IL21R: variants seen among roughly 807,000 people sequenced by gnomAD.
IL21R encodes interleukin 21 receptor, also known as interleukin-21 receptor.
In IL21R, 14 loss-of-function variants were observed where a neutral mutation model predicts 41.3. The observed-to-expected ratio is 0.34, with a 90% CI of 0.22 to 0.53. IL21R has a LOEUF of 0.53. Ranked by LOEUF, IL21R falls within the 20% of genes least tolerant of loss-of-function variation. IL21R has a pLI of 0.94. For synonymous variants in IL21R, 286 were observed against 287.6 expected, an observed-to-expected ratio of 0.99 and a Z score of 0.05; for missense variants, 588 against 681.6, an observed-to-expected ratio of 0.86 and a Z score of 1.53.
At chr16:27,442,062 C>T (rs2141304414) in intron 4 of IL21R, among the ~76,000 whole-genome samples, 1 of 152,302 alleles carries the variant, frequency 6.6e-6, no homozygotes, top group Non-Finnish European at 1.5e-5. Context: ...AGGGGTCTCC[C>T]GTTTCCCATT....
At chr16:27,422,961 C>T (rs2087019317) in intron 1 of IL21R, among the ~76,000 whole-genome samples, 1 of 152,150 alleles carries the variant, frequency 6.6e-6, no homozygotes, top group Admixed American at 6.5e-5. Flanking sequence ...TCCTTATTCC[C>T]AAGGAATAGT....
Position 27,449,078 on chromosome 16 carries a change from G to A in IL21R, c.1412G>A (p.Gly471Glu). ...CTGCCCTGGGGTGGCCGGTCACCTG[G>A]AGGGGTCTCAGAGAGTGAGGCGGGC... is the stretch of plus-strand genomic sequence containing the variant. ...GGLPWGGRSP[G>E]GVSESEAGSP... is the part of the protein sequence containing the mutation. The change falls in exon 9 of 9, where the codon GGA (glycine) becomes GAA (glutamate). Residue 471 changes from glycine (G) to glutamate (E), a missense_variant. By Grantham distance (98) the Gly-to-Glu change is moderately conservative. Coordinates refer to ENST00000337929, the MANE Select transcript of IL21R (RefSeq NM_181078.3). 1.2e-6 allele frequency: 2 copies of A among 1,613,350 alleles called. No individual in the cohort carries two copies. Among genetic ancestry groups the A allele is most frequent in the Non-Finnish European group, 1.7e-6 (2 of 1,179,936 alleles).
At position 27,451,431 on chromosome 16, in the gene IL21R, G is replaced by A. The variant is rs986008205; in HGVS notation, c.*2148G>A. On this transcript the variant is annotated 3_prime_UTR_variant, in exon 9 of 9. Transcript: ENST00000337929. ...CACAGAGGAGCAAAGTTGGAGGGCC[G>A]GGCGTAGTGGCTCACACCTGTGATC... The A allele has an allele frequency of 5.0e-5, 11 of 220,842 alleles. No individual in the cohort carries two copies. Among genetic ancestry groups the A allele is most frequent in the African/African-American group, 1.6e-4 (7 of 44,612 alleles). 13.7% of individuals were successfully genotyped at this position (220,842 alleles called of 1,614,324 possible).
intron 1 of IL21R, chr16:27,427,186 T>C (rs375549320): frequency 2.7e-5 from 14 of 519,656 alleles, no homozygotes; most frequent in Admixed American, 2.5e-4. Context: ...AGATGGGGTG[T>C]TTTGATTGGC....
chr16:27,412,193 C>T (rs182642037), intron 1 of IL21R, among the ~76,000 whole-genome samples: 1 of 152,292 alleles, frequency 6.6e-6, no homozygotes. Flanking sequence ...CTTGAACAAA[C>T]TTCCTTTTCC....
rs374130131 is a variant in IL21R at position 27,444,615 on chromosome 16, C to T, written c.581C>T (p.Ser194Leu). The T allele has an allele frequency of 2.6e-5, 41 of 1,587,370 alleles. No individual in the cohort carries two copies. Among genetic ancestry groups the T allele is most frequent in the South Asian group, 2.4e-4 (21 of 87,220 alleles). ...SLLPLEFRKDSSYELQVRAGP... is the reference protein window; with the variant it reads ...SLLPLEFRKDLSYELQVRAGP... ...CTCCCCCTGGAGTTCCGCAAAGACT[C>T]GAGCTATGAGCTGCAGGTGCGGGCA... is the stretch of plus-strand genomic sequence containing the variant. Residue 194 changes from serine to leucine, a missense_variant, in exon 6 of 9, where the codon TCG (serine) becomes TTG (leucine). Physicochemically the swap from Ser to Leu is moderately radical, Grantham distance 145. Transcript: ENST00000337929.
In IL21R at chr16:27,430,084, TG is replaced by T; in HGVS notation, c.16del (p.Ala6ProfsTer53). On this transcript the variant is annotated frameshift_variant, in exon 2 of 9. Coordinates refer to ENST00000337929, the MANE Select transcript of IL21R (RefSeq NM_181078.3). LOFTEE classifies it high-confidence loss of function. MPRG[W>X]AAPLLLLLLQ... Reference sequence around the variant, plus strand: ...CGTGGGAGTCAGCATGCCGCGTGGCTGGGCCGCCCCCTTGCTCCTGCTGCTG... The same window carrying T: ...CGTGGGAGTCAGCATGCCGCGTGGCTGGCCGCCCCCTTGCTCCTGCTGCTG... The T allele has an allele frequency of 1.2e-6, 2 of 1,606,066 alleles. No homozygotes were observed.
chr16:27,418,804 T>C (rs891961159), intron 1 of IL21R, among the ~76,000 whole-genome samples: 8 of 152,076 alleles, frequency 5.3e-5, no homozygotes, highest in African/African-American at 1.9e-4. Flanking sequence ...CACAAACACA[T>C]TGTACAGCTA....
At chr16:27,413,500 G>C (rs145526155) in intron 1 of IL21R, among the ~76,000 whole-genome samples, 78 of 151,876 alleles carry the variant, frequency 5.1e-4, no homozygotes, top group Middle Eastern at 3.5e-3. Context: ...TCAATTTTTG[G>C]AAGTGTTAGG....
In IL21R at chr16:27,437,477, T is replaced by C. The variant is rs762970714; in HGVS notation, c.153-11T>C. 1 of 1,612,326 alleles carries C rather than the reference T, an allele frequency of 6.2e-7. No homozygotes were observed. Among genetic ancestry groups the C allele is most frequent in the Non-Finnish European group, 8.5e-7 (1 of 1,179,586 alleles). On this transcript the variant is annotated splice_polypyrimidine_tract_variant and intron_variant, in intron 3 of 8. Coordinates refer to ENST00000337929, the MANE Select transcript of IL21R (RefSeq NM_181078.3). Reference sequence around the variant, plus strand: ...GGCTTCCAGCCATGACCGGCTGCTTTGTCCTTGAAGGCAAGACCAGTATGA... The same window carrying C: ...GGCTTCCAGCCATGACCGGCTGCTTCGTCCTTGAAGGCAAGACCAGTATGA...
Position 27,448,548 on chromosome 16 carries a change from A to T in IL21R, c.882A>T (p.Ala294=). Residue 294 remains alanine, a synonymous_variant, in exon 9 of 9, where the codon GCA becomes GCT. Transcript: ENST00000337929. ...CTCTCTCACAGAAATGGGTGGGTGC[A>T]CCCTTCACTGGCTCCAGCCTGGAGC... ...CSGDFKKWVG[A]PFTGSSLELG... is the part of the protein sequence containing the mutation. 6 of 1,605,824 alleles carry T rather than the reference A, an allele frequency of 3.7e-6. No individual in the cohort carries two copies. Among genetic ancestry groups the T allele is most frequent in the Non-Finnish European group, 4.2e-6 (5 of 1,176,512 alleles).
chr16:27,443,236 A>C, intron 5 of IL21R, 120 bp downstream of exon 5: 1 of 886,812 alleles, frequency 1.1e-6, no homozygotes, highest in Non-Finnish European at 1.6e-6. Flanking sequence ...ACAGAGACCA[A>C]GGGCACGAGC....
intron 2 of IL21R, 50 bp from the exon 3 acceptor site, chr16:27,434,297 C>T (rs753675659): frequency 6.8e-6 from 8 of 1,178,762 alleles, no homozygotes; most frequent in South Asian, 1.2e-5. Context: ...GGAAGCTCTG[C>T]AGTCCCAAGC....
chr16:27,416,539 T>C (rs2086895319), intron 1 of IL21R, among the ~76,000 whole-genome samples: 2 of 152,322 alleles, frequency 1.3e-5, no homozygotes, highest in South Asian at 4.1e-4. Flanking sequence ...AAACTCACTG[T>C]TGTATATCTC....
chr16:27,450,350 C>T lies in IL21R; in HGVS notation c.*1067C>T, dbSNP rs958745057. On this transcript the variant is annotated 3_prime_UTR_variant, in exon 9 of 9. Transcript: ENST00000337929. ...GCCATGGCTCATGGGACCCACCCCC[C>T]GTGGCACTCATGGAGGGGGCTGCAG... 27 of 231,582 alleles carry T rather than the reference C, an allele frequency of 1.2e-4. 1 individual carries two copies. The highest frequency in any genetic ancestry group is 5.1e-4 in the African/African-American group (23 of 45,234). The allele number at this position is 231,582 out of a possible 1,614,324, so 14.3% of individuals were successfully genotyped here.
chr16:27,425,895 A>G (rs2087068684), intron 1 of IL21R, among the ~76,000 whole-genome samples: 1 of 152,120 alleles, frequency 6.6e-6, no homozygotes, highest in Admixed American at 6.6e-5. Flanking sequence ...CCACATCTCC[A>G]GTTTCTAGGA....
chr16:27,419,018 C>A (rs1321488172), intron 1 of IL21R, among the ~76,000 whole-genome samples: 1 of 151,936 alleles, frequency 6.6e-6, no homozygotes, highest in Non-Finnish European at 1.5e-5. Flanking sequence ...AATTCGAGAC[C>A]AGCCTGGCCA....
intron 1 of IL21R, among the ~76,000 whole-genome samples, chr16:27,414,365 T>C (rs1210679697): frequency 6.6e-6 from 1 of 152,136 alleles, no homozygotes; most frequent in Non-Finnish European, 1.5e-5. Flanking sequence ...CTAAATGTCA[T>C]ACTAACCTTA....
chr16:27,418,197 G>T (rs1468074917), intron 1 of IL21R, among the ~76,000 whole-genome samples: 2 of 151,302 alleles, frequency 1.3e-5, no homozygotes, highest in Admixed American at 6.6e-5. Context: ...AGCCTCCCAA[G>T]TAGCTGGGAC....
Sources: gnomAD v4.1 joint callset for allele counts (sites outside exome capture counted in the v4.1 genomes callset) on GRCh38, gnomAD v4.1.1 for gene constraint, MANE v1.5 for transcripts, NCBI Gene and HGNC (gene_info 2026-07-23, HGNC 2026-07-21) for gene names.